Variants in FRMD6 observed in about 807,000 individuals in gnomAD.
FRMD6 encodes the protein FERM domain containing 6.
In FRMD6, 37 loss-of-function variants were observed where a neutral mutation model predicts 73.2. The observed-to-expected ratio is 0.51, with a 90% confidence interval of 0.39 to 0.66. The LOEUF (loss-of-function observed/expected upper bound fraction) is 0.66. Among genes scored for constraint, FRMD6 ranks in the 30% least tolerant of loss-of-function variants. The probability of loss-of-function intolerance (pLI) is 0.00; values close to 1 mark genes in which losing one functional copy is unlikely to be tolerated. For missense variants in FRMD6, 714 were observed against 780.5 expected, an observed-to-expected ratio of 0.91 and a Z score of 1.02; for synonymous variants, 273 against 282.2, an observed-to-expected ratio of 0.97 and a Z score of 0.33.
In FRMD6 at chr14:51,728,081, G is replaced by T. The variant is rs777928146; in HGVS notation, c.*52G>T. On this transcript the variant is annotated 3_prime_UTR_variant, in exon 14 of 14. Coordinates refer to ENST00000344768, the MANE Select transcript of FRMD6 (RefSeq NM_001267046.2). Reference sequence around the variant, plus strand: ...CAGCTTACTGTTTGCTAGAGGATGCGAAAGTCATAAGTTCTTTACATATTA... The same window carrying T: ...CAGCTTACTGTTTGCTAGAGGATGCTAAAGTCATAAGTTCTTTACATATTA... The T allele has an allele frequency of 6.5e-7, 1 of 1,527,046 alleles. No individual in the cohort carries two copies. The highest frequency in any genetic ancestry group is 2.3e-5 in the East Asian group (1 of 43,902). 94.6% of individuals were successfully genotyped at this position (1,527,046 alleles called of 1,614,324 possible). A position where few individuals can be genotyped will look rare whatever the true frequency, so the allele number is the denominator to read the frequency against.
intron 2 of FRMD6, among the ~76,000 whole-genome samples, chr14:51,592,228 G>A (rs1489667883): frequency 6.6e-6 from 1 of 152,182 alleles, no homozygotes; most frequent in Non-Finnish European, 1.5e-5. Context: ...GCTCCATTGA[G>A]AGTTTTAGAC....
At chr14:51,599,871 T>C (rs1889941226) in intron 2 of FRMD6, 1 of 148,256 alleles carries the variant, frequency 6.7e-6, no homozygotes, top group African/African-American at 2.5e-5. Flanking sequence ...TTTTTGCATC[T>C]AGTGTGGCCT....
chr14:51,536,244 C>A (rs886069393), intron 1 of FRMD6, among the ~76,000 whole-genome samples: 1 of 151,022 alleles, frequency 6.6e-6, no homozygotes, highest in African/African-American at 2.4e-5. Flanking sequence ...CATGCCCATG[C>A]TACCATGCCT....
Position 51,727,663 on chromosome 14 carries a change from T to G in FRMD6, c.1585-82T>G, listed in dbSNP as rs188906912. On this transcript the variant is annotated intron_variant, in intron 13 of 13. Coordinates refer to ENST00000344768, the MANE Select transcript of FRMD6 (RefSeq NM_001267046.2). The stretch of plus-strand genomic sequence containing the variant: ...CATGTAAGGATTACTTAACCTTTTG[T>G]GGTTCTGTAGCATCTCTCTTTACAA... 6,660 of 1,333,714 alleles carry G rather than the reference T, an allele frequency of 5.0e-3. 45 individuals carry two copies. The highest frequency in any genetic ancestry group is 4.6e-3 in the Non-Finnish European group (4,416 of 969,518). The allele number at this position is 1,333,714 out of a possible 1,614,324, so 82.6% of individuals were successfully genotyped here.
upstream of FRMD6, chr14:51,650,214 G>C (rs995270268): frequency 2.0e-5 from 3 of 152,168 alleles, no homozygotes; most frequent in Admixed American, 1.3e-4. Flanking sequence ...CTAATATTCA[G>C]TTCTAATGGC....
intron 1 of FRMD6, among the ~76,000 whole-genome samples, chr14:51,652,417 C>T (rs370355274): frequency 4.5e-4 from 69 of 152,288 alleles, no homozygotes; most frequent in African/African-American, 1.5e-3. Context: ...CGGAGGTCCC[C>T]GGATCACAGG....
intron 1 of FRMD6, among the ~76,000 whole-genome samples, chr14:51,657,379 T>C (rs1034841628): frequency 6.6e-6 from 1 of 152,230 alleles, no homozygotes; most frequent in Non-Finnish European, 1.5e-5. Flanking sequence ...TTTACAGTCA[T>C]CATCTTTGCC....
the FRMD6 span, among the ~76,000 whole-genome samples, chr14:51,433,689 A>T: frequency 6.6e-6 from 1 of 152,214 alleles, no homozygotes; most frequent in South Asian, 2.1e-4. Context: ...ACAGGGTGGA[A>T]AGAATGGGAA....
At chr14:51,641,186 G>A (rs1891794354) in intron 2 of FRMD6, among the ~76,000 whole-genome samples, 1 of 151,948 alleles carries the variant, frequency 6.6e-6, no homozygotes, top group African/African-American at 2.4e-5. Context: ...TCCCTATGTT[G>A]GCCAGGCTGG....
At chr14:51,424,716 T>C in the FRMD6 span, among the ~76,000 whole-genome samples, 1 of 152,226 alleles carries the variant, frequency 6.6e-6, no homozygotes, top group South Asian at 2.1e-4. Flanking sequence ...TTTCTGTCTC[T>C]CATTCTTGCA....
At chr14:51,686,098 A>C (rs1226494164) in intron 1 of FRMD6, among the ~76,000 whole-genome samples, 1 of 152,148 alleles carries the variant, frequency 6.6e-6, no homozygotes. Context: ...TCCTTTGCCT[A>C]CATTCAATAT....
At chr14:51,497,010 C>T (rs919964099) in intron 1 of FRMD6, among the ~76,000 whole-genome samples, 1 of 152,166 alleles carries the variant, frequency 6.6e-6, no homozygotes, top group African/African-American at 2.4e-5. Context: ...AAACCATACA[C>T]CCACCATACA....
intron 2 of FRMD6, among the ~76,000 whole-genome samples, chr14:51,697,166 T>C (rs1162731050): frequency 6.6e-6 from 1 of 152,164 alleles, no homozygotes; most frequent in Non-Finnish European, 1.5e-5. Flanking sequence ...TTCCTGGGTA[T>C]GTACCCAAAG....
chr14:51,466,936 A>G, the FRMD6 span, among the ~76,000 whole-genome samples: 1 of 152,114 alleles, frequency 6.6e-6, no homozygotes. Context: ...TTTTAGTGTA[A>G]AAGTCTCAAA....
In FRMD6 at chr14:51,501,658, G is replaced by A. The variant is rs1883627472; in HGVS notation, c.-210+12238G>A. On this transcript the variant is annotated intron_variant, in intron 1 of 14. Coordinates refer to the FRMD6 transcript ENST00000356218. ...GTTGATTCCATGCCTTTGCTACTGT[G>A]AATAGTACCACAATGAACCAACGCA... 2.0e-5 allele frequency among the ~76,000 whole-genome samples: 3 copies of A among 152,160 alleles called. No homozygotes were observed. In the South Asian group the frequency reaches 6.2e-4, roughly 32 times the overall value.
intron 1 of FRMD6, among the ~76,000 whole-genome samples, chr14:51,533,070 C>T (rs749293106): frequency 6.6e-6 from 1 of 152,228 alleles, no homozygotes; most frequent in Non-Finnish European, 1.5e-5. Context: ...GTCTCTGCCT[C>T]CTCCATGTCT....
At chr14:51,699,951 C>G (rs1158330487) in intron 3 of FRMD6, among the ~76,000 whole-genome samples, 1 of 151,566 alleles carries the variant, frequency 6.6e-6, no homozygotes, top group Non-Finnish European at 1.5e-5. Context: ...TTTTTTGTCT[C>G]TGGGATCTCT....
At chr14:51,668,892 C>G (rs1478498114) in intron 1 of FRMD6, among the ~76,000 whole-genome samples, 4 of 151,924 alleles carry the variant, frequency 2.6e-5, no homozygotes, top group Admixed American at 6.6e-5. Context: ...TGGTCTCGAA[C>G]TCCTGACCTC....
intron 10 of FRMD6, among the ~76,000 whole-genome samples, chr14:51,719,554 A>G (rs111683636): frequency 0.01 from 1,547 of 152,348 alleles, 10 homozygotes; most frequent in Non-Finnish European, 0.016. Flanking sequence ...ATGAATGGCA[A>G]TTAGCATAAT....
Sources: allele counts gnomAD v4.1 joint callset (sites outside exome capture counted in the v4.1 genomes callset), GRCh38; gene constraint gnomAD v4.1.1; transcripts MANE v1.5; gene names NCBI Gene and HGNC (gene_info 2026-07-23, HGNC 2026-07-21).